CHSY1: variants seen among roughly 807,000 people sequenced by gnomAD.
The protein encoded by CHSY1 is N-acetylgalactosaminyl-proteoglycan 3-beta-glucuronosyltransferase 1.
In CHSY1, 13 loss-of-function variants were observed where a neutral mutation model predicts 59.8. The ratio of observed to expected loss-of-function variants is 0.22; its 90% CI spans 0.14 to 0.35. CHSY1 has a LOEUF of 0.35. Ranked by LOEUF, CHSY1 falls within the 10% of genes least tolerant of loss-of-function variation. The probability of loss-of-function intolerance (pLI) is 1.00; values close to 1 mark genes in which losing one functional copy is unlikely to be tolerated. For missense variants in CHSY1, 947 were observed against 1,030.6 expected (o/e 0.92, Z 1.11); for synonymous variants, 459 against 401.2 (o/e 1.14, Z -1.72).
chr15:101,193,263 C>T (rs1567091168), intron 2 of CHSY1, among the ~76,000 whole-genome samples: 1 of 152,164 alleles, frequency 6.6e-6, no homozygotes, highest in Non-Finnish European at 1.5e-5. Flanking sequence ...CTTTGGAGAA[C>T]CACGAAGCTG....
At chr15:101,236,456 T>C (rs562677961) in intron 1 of CHSY1, among the ~76,000 whole-genome samples, 1 of 152,300 alleles carries the variant, frequency 6.6e-6, no homozygotes, top group South Asian at 2.1e-4. Context: ...TGCCACCAAG[T>C]AAGACGTGCC....
At chr15:101,233,702 T>A (rs1433987519) in intron 2 of CHSY1, among the ~76,000 whole-genome samples, 3 of 152,140 alleles carry the variant, frequency 2.0e-5, no homozygotes, top group Non-Finnish European at 4.4e-5. Context: ...CATTTAGGAT[T>A]TAAAATGTAT....
At chr15:101,232,265 A>G (rs1052416612) in intron 2 of CHSY1, among the ~76,000 whole-genome samples, 1 of 152,174 alleles carries the variant, frequency 6.6e-6, no homozygotes, top group Non-Finnish European at 1.5e-5. Context: ...CACCTCAATA[A>G]TTTCCCATAA....
chr15:101,233,620 G>A lies in CHSY1; in HGVS notation c.816+1462C>T, dbSNP rs142237053. ...CAGAGAGATCCCGTAGGCCCAGTGA[G>A]CTGTCCCCTATGTGCTGGGGTTGGG... On this transcript the variant is annotated intron_variant, in intron 2 of 2. Transcript: ENST00000254190. 3.4e-3 allele frequency among the ~76,000 whole-genome samples: 517 copies of A among 152,282 alleles called. 2 individuals are homozygous for A. The Middle Eastern group carries it at 0.034, about 10-fold the overall frequency.
intron 2 of CHSY1, among the ~76,000 whole-genome samples, chr15:101,226,064 A>G (rs2038839008): frequency 6.6e-6 from 1 of 152,260 alleles, no homozygotes. Context: ...AGCAACTAAC[A>G]CATCCATTTT....
chr15:101,185,329 G>C (rs1397065060), intron 2 of CHSY1, among the ~76,000 whole-genome samples: 1 of 152,182 alleles, frequency 6.6e-6, no homozygotes, highest in Non-Finnish European at 1.5e-5. Flanking sequence ...GAGCAGGAAG[G>C]AAAACCTAGG....
rs192642697 is a variant in CHSY1 at position 101,240,814 on chromosome 15, A to G, written c.321-5237T>C. Among the ~76,000 whole-genome samples the G allele has an allele frequency of 2.1e-3, 323 of 152,340 alleles. 2 individuals are homozygous for G. Among genetic ancestry groups the G allele is most frequent in the Middle Eastern group, 6.8e-3 (2 of 294 alleles). ...TTCCAATAATGGAACTCTAGGCATA[A>G]ATGGGTTAATATCATAGTCTCCATT... On this transcript the variant is annotated intron_variant, in intron 1 of 2. Transcript: ENST00000254190.
In CHSY1 at chr15:101,177,575, C is replaced by T. The variant is rs767896901; in HGVS notation, c.2222G>A (p.Gly741Glu). ...GLKTFRSQEV[G>E]VVHVHHPVFC... is the part of the protein sequence containing the mutation. The stretch of plus-strand genomic sequence containing the variant: ...GACAGGATGGTGGACGTGGACTACT[C>T]CTACTTCCTGGCTCCTAAACGTCTT... The change falls in exon 3 of 3, where the codon GGA becomes GAA. Residue 741 changes from glycine to glutamate, a missense_variant. Physicochemically the swap from Gly to Glu is moderately conservative, Grantham distance 98. Around this residue, in one of 4 missense-constraint regions of CHSY1, gnomAD observed 602 missense variants for 676.9 expected, o/e 0.89. Transcript: ENST00000254190. 1 of 1,614,034 alleles carries T rather than the reference C, an allele frequency of 6.2e-7. No individual in the cohort carries two copies.
rs182565264 is a variant in CHSY1, at chr15:101,237,418, C to T, written c.321-1841G>A. 1.8e-3 allele frequency among the ~76,000 whole-genome samples: 279 copies of T among 152,228 alleles called. 1 individual carries two copies. Among genetic ancestry groups the T allele is most frequent in the South Asian group, 3.1e-3 (15 of 4,826 alleles). On this transcript the variant is annotated intron_variant, in intron 1 of 2. Transcript: ENST00000254190. ...AGGCCGAAGGAAGCCAGAGTGGACACAGGAAGACCACTGAGTAAACTACTG... is the reference window on the plus strand; with the variant it reads ...AGGCCGAAGGAAGCCAGAGTGGACATAGGAAGACCACTGAGTAAACTACTG...
In CHSY1 at chr15:101,251,500, G is replaced by T; in HGVS notation, c.-44C>A. 2 of 44,842 alleles carry T rather than the reference G, an allele frequency of 4.5e-5. No homozygotes were observed. The highest frequency in any genetic ancestry group is 5.5e-5 in the Non-Finnish European group (2 of 36,132). 2.8% of individuals were successfully genotyped at this position (44,842 alleles called of 1,614,324 possible). A position where few individuals can be genotyped will look rare whatever the true frequency, so the allele number is the denominator to read the frequency against. ...GCCGGGCCGCCGCCGCAGGCTCCGC[G>T]CGCCCTCAGCCCGCTGCCCCCGCCC... On this transcript the variant is annotated 5_prime_UTR_variant, in exon 1 of 3. Transcript: ENST00000254190.
rs754390209 is a variant in CHSY1, at chr15:101,235,413, T to A, written c.485A>T (p.Asp162Val). Residue 162 changes from aspartate to valine, a missense_variant, in exon 2 of 3, where the codon GAC becomes GTC. Coordinates refer to ENST00000254190, the MANE Select transcript of CHSY1 (RefSeq NM_014918.5). The part of the protein sequence containing the change: ...MLKYMHDHYL[D>V]KYEWFMRADD... ...TGCTCTCATAAACCATTCATACTTG[T>A]CCAAGTAGTGGTCGTGCATGTACTT... 5.0e-6 allele frequency: 8 copies of A among 1,614,168 alleles called. No homozygotes were observed. In the South Asian group the frequency reaches 8.8e-5, roughly 18 times the overall value.
chr15:101,178,411 T>G lies in CHSY1; in HGVS notation c.1386A>C (p.Lys462Asn). The change falls in exon 3 of 3, where the codon AAA (lysine) becomes AAC (asparagine). Residue 462 changes from lysine (K) to asparagine (N), a missense_variant. Physicochemically the swap from Lys to Asn is moderately conservative, Grantham distance 94. Transcript: ENST00000254190. ...LLLYKKHKGK[K>N]MTVPVRRHAY... ...CGTGCCTCCTCACAGGGACCGTCAT[T>G]TTCTTCCCTTTGTGCTTTTTGTACA... 6.2e-7 allele frequency: 1 copy of G among 1,613,164 alleles called. No individual in the cohort carries two copies. The highest frequency in any genetic ancestry group is 8.5e-7 in the Non-Finnish European group (1 of 1,179,124).
chr15:101,185,150 G>GT (rs974281839), intron 2 of CHSY1, among the ~76,000 whole-genome samples: 1 of 152,154 alleles, frequency 6.6e-6, no homozygotes, highest in African/African-American at 2.4e-5. Flanking sequence ...ACATTTTCTT[G>GT]TTACCCTCAG....
Position 101,177,586 on chromosome 15 carries a change from G to A in CHSY1, c.2211C>T (p.Ser737=), listed in dbSNP as rs1326938225. 1 of 1,614,106 alleles carries A rather than the reference G, an allele frequency of 6.2e-7. No homozygotes were observed. The highest frequency in any genetic ancestry group is 1.7e-5 in the Admixed American group (1 of 60,022). Residue 737 remains serine, a synonymous_variant, in exon 3 of 3, where the codon AGC becomes AGT. Coordinates refer to ENST00000254190, the MANE Select transcript of CHSY1 (RefSeq NM_014918.5). ...GGACGTGGACTACTCCTACTTCCTG[G>A]CTCCTAAACGTCTTCAAACCTGCCT... is the stretch of plus-strand genomic sequence containing the variant. The part of the protein sequence containing the change: ...VVQAGLKTFR[S]QEVGVVHVHH...
In CHSY1 at chr15:101,237,362, C is replaced by T. The variant is rs1596453562; in HGVS notation, c.321-1785G>A. Among the ~76,000 whole-genome samples the T allele has an allele frequency of 2.0e-5, 3 of 152,012 alleles. 1 individual carries two copies. In the South Asian group the frequency reaches 6.2e-4, roughly 32 times the overall value. On this transcript the variant is annotated intron_variant, in intron 1 of 2. Coordinates refer to ENST00000254190, the MANE Select transcript of CHSY1 (RefSeq NM_014918.5). Reference sequence around the variant, plus strand: ...CGGCAGAAGACAAGATTAAGGCCCACACATTTTGAACTCCCTAGGAATGGA... The same window carrying T: ...CGGCAGAAGACAAGATTAAGGCCCATACATTTTGAACTCCCTAGGAATGGA...
At chr15:101,201,059 C>T (rs1324025300) in intron 2 of CHSY1, among the ~76,000 whole-genome samples, 3 of 151,808 alleles carry the variant, frequency 2.0e-5, no homozygotes, top group East Asian at 1.9e-4. Flanking sequence ...ATCCAATATC[C>T]CACTGCCCAC....
intron 2 of CHSY1, among the ~76,000 whole-genome samples, chr15:101,192,253 C>T (rs1036672725): frequency 2.0e-5 from 3 of 152,152 alleles, no homozygotes; most frequent in Non-Finnish European, 2.9e-5. Context: ...TACTGTATCT[C>T]GTTTACAGGT....
At chr15:101,232,230 C>T (rs555886325) in intron 2 of CHSY1, among the ~76,000 whole-genome samples, 1 of 152,216 alleles carries the variant, frequency 6.6e-6, no homozygotes, top group Admixed American at 6.5e-5. Flanking sequence ...CAAAGCTTAA[C>T]GTAATTGTCT....
intron 1 of CHSY1, among the ~76,000 whole-genome samples, chr15:101,236,733 G>A (rs1196687532): frequency 1.3e-5 from 2 of 152,138 alleles, no homozygotes; most frequent in Admixed American, 1.3e-4. Flanking sequence ...GCTAAGGCGG[G>A]AGAATGGCAT....
Sources: gnomAD v4.1 joint callset for allele counts (sites outside exome capture counted in the v4.1 genomes callset) on GRCh38, gnomAD v4.1.1 for gene constraint, gnomAD v4.1.1 regional missense constraint, MANE v1.5 for transcripts, NCBI Gene and HGNC (gene_info 2026-07-23, HGNC 2026-07-21) for gene names.